Variants in PCSK6 observed in about 807,000 individuals in gnomAD.
PCSK6 encodes the protein proprotein convertase subtilisin/kexin type 6.
A neutral mutation model predicts 123.3 loss-of-function variants in PCSK6; 85 were observed. The observed-to-expected ratio is 0.69, with a 90% CI of 0.58 to 0.83. PCSK6 has a LOEUF of 0.83. Among genes scored for constraint, PCSK6 ranks in the 40% least tolerant of loss-of-function variants. The pLI is 0.00. For missense variants in PCSK6, 1,191 were observed against 1,282.3 expected (o/e 0.93, Z 1.09); for synonymous variants, 508 against 516.0 (o/e 0.98, Z 0.21).
In PCSK6 at chr15:101,444,605, G is replaced by A. The variant is rs527928834; in HGVS notation, c.298-945C>T. ...ACAAACATGGGTTTTGAGTCAGATC[G>A]ATTTGGTCCAAACCCTTCCTACCCC... On this transcript the variant is annotated intron_variant, in intron 1 of 21. Transcript: ENST00000611716. Among the ~76,000 whole-genome samples the A allele has an allele frequency of 3.3e-5, 5 of 152,218 alleles. No individual in the cohort carries two copies. The South Asian group carries it at 6.2e-4, about 19-fold the overall frequency.
intron 13 of PCSK6, among the ~76,000 whole-genome samples, chr15:101,348,008 C>T (rs775670493): frequency 3.9e-5 from 6 of 152,232 alleles, no homozygotes; most frequent in Non-Finnish European, 7.3e-5. Context: ...ACAGGAAGGG[C>T]ATACACTTTA....
At chr15:101,404,450 A>T (rs1353493131) in intron 6 of PCSK6, among the ~76,000 whole-genome samples, 1 of 152,118 alleles carries the variant, frequency 6.6e-6, no homozygotes. Flanking sequence ...TGTGTCAGGG[A>T]CACTGGGCCC....
Position 101,489,657 on chromosome 15 carries a change from GCGCGCGGAGGCATAGCGGCGACAGGCT to G in PCSK6, c.-14_13del. 2.0e-6 allele frequency: 2 copies of G among 976,898 alleles called. No homozygotes were observed. The highest frequency in any genetic ancestry group is 2.4e-6 in the Non-Finnish European group (2 of 825,552). 60.5% of individuals were successfully genotyped at this position (976,898 alleles called of 1,614,324 possible). Reference sequence around the variant, plus strand: ...CGGCCGGGGCCCGGGCGCAGGCGGCGCGCGCGGAGGCATAGCGGCGACAGGCTCGCGCGGCGCCCGAGCTGCGAGTGC... The same window carrying G: ...CGGCCGGGGCCCGGGCGCAGGCGGCGCGCGCGGCGCCCGAGCTGCGAGTGC... On this transcript the variant is annotated start_lost and 5_prime_UTR_variant, in exon 1 of 22. Coordinates refer to ENST00000611716, the MANE Select transcript of PCSK6 (RefSeq NM_002570.5).
intron 6 of PCSK6, among the ~76,000 whole-genome samples, chr15:101,409,258 C>T (rs2141613338): frequency 6.6e-6 from 1 of 152,056 alleles, no homozygotes. Flanking sequence ...GAGATCGAGA[C>T]CATCCTGGCC....
At chr15:101,446,209 G>T (rs540752489) in intron 1 of PCSK6, among the ~76,000 whole-genome samples, 80 of 152,358 alleles carry the variant, frequency 5.3e-4, no homozygotes, top group African/African-American at 1.9e-3. Flanking sequence ...AGCCAAGGCT[G>T]CCCTTGCAAA....
At chr15:101,394,728 C>G (rs1230030447) in intron 7 of PCSK6, among the ~76,000 whole-genome samples, 1 of 152,218 alleles carries the variant, frequency 6.6e-6, no homozygotes, top group Non-Finnish European at 1.5e-5. Flanking sequence ...ACTTTTGGAG[C>G]ACAATGAGTG....
chr15:101,433,607 G>C (rs935158423), intron 2 of PCSK6, among the ~76,000 whole-genome samples: 16 of 152,256 alleles, frequency 1.1e-4, no homozygotes, highest in Non-Finnish European at 2.2e-4. Flanking sequence ...CTAGAGGCAG[G>C]GGAGGAACAA....
At chr15:101,364,817 C>T (rs2041340069) in intron 13 of PCSK6, 1 of 489,320 alleles carries the variant, frequency 2.0e-6, no homozygotes, top group Non-Finnish European at 3.7e-6. Context: ...TTCAAATTCA[C>T]ATGGAATTAC....
chr15:101,382,875 C>A (rs776392053), intron 10 of PCSK6, among the ~76,000 whole-genome samples: 1 of 152,154 alleles, frequency 6.6e-6, no homozygotes, highest in Non-Finnish European at 1.5e-5. Context: ...TTACAGTACA[C>A]CACTACCACC....
chr15:101,363,839 C>T (rs1438329144), intron 13 of PCSK6, among the ~76,000 whole-genome samples: 1 of 151,648 alleles, frequency 6.6e-6, no homozygotes, highest in Non-Finnish European at 1.5e-5. Context: ...GGGGTTTCAC[C>T]GTGTTAGCCA....
intron 12 of PCSK6, among the ~76,000 whole-genome samples, chr15:101,368,226 C>A (rs2041458882): frequency 6.6e-6 from 1 of 152,168 alleles, no homozygotes; most frequent in Admixed American, 6.5e-5. Context: ...GGGCACAACA[C>A]TGGGCAGCAG....
chr15:101,384,117 T>A (rs2041989261), intron 10 of PCSK6: 1 of 985,222 alleles, frequency 1.0e-6, no homozygotes, highest in South Asian at 4.7e-5. Context: ...CCCAGACTCT[T>A]GTGACCTGAG....
chr15:101,435,937 T>G (rs1278410998), intron 2 of PCSK6, among the ~76,000 whole-genome samples: 1 of 152,194 alleles, frequency 6.6e-6, no homozygotes, highest in Non-Finnish European at 1.5e-5. Context: ...CGAGCAGCCA[T>G]GGGCAGCCTT....
intron 20 of PCSK6, 36 bp downstream of exon 20, chr15:101,313,340 A>G: frequency 6.2e-7 from 1 of 1,612,514 alleles, no homozygotes; most frequent in Non-Finnish European, 8.5e-7. Context: ...TTTGCTGGAC[A>G]CAGCTGCCTG....
At chr15:101,439,737 CT>C (rs370185219) in intron 2 of PCSK6, among the ~76,000 whole-genome samples, 40 of 152,376 alleles carry the variant, frequency 2.6e-4, no homozygotes, top group African/African-American at 8.4e-4. Context: ...GAAACCCGAG[CT>C]TTGATTAAAC....
chr15:101,392,311 CCAGGCTGG>C (rs1203039397), intron 8 of PCSK6, among the ~76,000 whole-genome samples: 1 of 152,228 alleles, frequency 6.6e-6, no homozygotes, highest in African/African-American at 2.4e-5. Context: ...CGAGCTGCTA[CCAGGCTGG>C]CGACAGAACG....
Position 101,432,235 on chromosome 15 carries a change from G to A in PCSK6, c.403-135C>T, listed in dbSNP as rs112460030. 5.5e-3 allele frequency: 4,065 copies of A among 742,566 alleles called. 27 individuals carry two copies. Among genetic ancestry groups the A allele is most frequent in the South Asian group, 9.7e-3 (577 of 59,342 alleles). 46.0% of individuals were successfully genotyped at this position (742,566 alleles called of 1,614,324 possible). ...CAGATATTTTAGATGGTAAGTTCCT[G>A]GGGACATTTTCACTTCAAAGTGACT... is the stretch of plus-strand genomic sequence containing the variant. On this transcript the variant is annotated intron_variant, in intron 2 of 21. Transcript: ENST00000611716.
chr15:101,318,558 G>A, intron 18 of PCSK6, 136 bp from the exon 19 acceptor site: 1 of 730,034 alleles, frequency 1.4e-6, no homozygotes, highest in Non-Finnish European at 2.3e-6. Context: ...TCTCAGCTAA[G>A]GAAAGTCGGG....
rs564670403 is a variant in PCSK6, at chr15:101,378,313, C to T, written c.1532+3779G>A. Among the ~76,000 whole-genome samples, 31 of 152,314 alleles carry T rather than the reference C, an allele frequency of 2.0e-4. No homozygotes were observed. The South Asian group carries it at 5.6e-3, about 27-fold the overall frequency. On this transcript the variant is annotated intron_variant, in intron 11 of 21. Transcript: ENST00000611716. The stretch of plus-strand genomic sequence containing the variant: ...CCATTTGTGCCCAGGAGTAGGTCGA[C>T]GTGCCTCTGGTCTACGGTCTGACGA...
Sources: gnomAD v4.1 joint callset for allele counts (sites outside exome capture counted in the v4.1 genomes callset) on GRCh38, gnomAD v4.1.1 for gene constraint, MANE v1.5 for transcripts, NCBI Gene and HGNC (gene_info 2026-07-23, HGNC 2026-07-21) for gene names.